The following GNPTAB variants were observed in gnomAD, a reference collection of about 807,000 sequenced individuals.
GNPTAB encodes the protein N-acetylglucosamine-1-phosphotransferase subunits alpha/beta.
GNPTAB carries 92 observed loss-of-function variants against 136.6 expected under a neutral mutation model. The ratio of observed to expected loss-of-function variants is 0.67; its 90% CI spans 0.57 to 0.80. The LOEUF (loss-of-function observed/expected upper bound fraction) is 0.80. Among genes scored for constraint, GNPTAB ranks in the 30% least tolerant of loss-of-function variants. The pLI is 0.00. For synonymous variants in GNPTAB, 512 were observed against 535.1 expected, an observed-to-expected ratio of 0.96 and a Z score of 0.60; for missense variants, 1,343 against 1,501.8, an observed-to-expected ratio of 0.89 and a Z score of 1.75.
At chr12:101,751,146 C>G (rs1952811731) in intron 19 of GNPTAB, among the ~76,000 whole-genome samples, 1 of 152,222 alleles carries the variant, frequency 6.6e-6, no homozygotes, top group Admixed American at 6.5e-5. Context: ...TCAAATACAG[C>G]CTTTCACAAT....
rs12578438 is a variant in GNPTAB, at chr12:101,821,309, C to T, written c.117+9250G>A. Among the ~76,000 whole-genome samples the T allele has an allele frequency of 0.022, 3,412 of 152,294 alleles. 346 individuals carry two copies. The East Asian group carries it at 0.31, about 14-fold the overall frequency. ...ACAGTGCTCAAAAATTAAGTAGTCA[C>T]TGAATGAATGAGGCAGGCACTCTGC... On this transcript the variant is annotated intron_variant, in intron 1 of 20. Transcript: ENST00000299314.
chr12:101,763,174 A>G (rs11835629), intron 13 of GNPTAB, among the ~76,000 whole-genome samples: 2,315 of 151,086 alleles, frequency 0.015, 64 homozygotes, highest in African/African-American at 0.053. Flanking sequence ...GTGAGCCGAG[A>G]TCACGCCATT....
intron 3 of GNPTAB, 116 bp from the exon 4 acceptor site, chr12:101,788,705 C>T: frequency 1.5e-6 from 1 of 689,580 alleles, no homozygotes; most frequent in Non-Finnish European, 2.7e-6. Flanking sequence ...AAACATGGTA[C>T]CAGGCTGTCA....
intron 5 of GNPTAB, among the ~76,000 whole-genome samples, chr12:101,781,679 G>A (rs140844545): frequency 0.015 from 2,336 of 152,052 alleles, 68 homozygotes; most frequent in African/African-American, 0.053. Context: ...GTGAGGCCTG[G>A]TCTCAAAAAC....
chr12:101,814,372 T>C (rs1232457034), intron 1 of GNPTAB, among the ~76,000 whole-genome samples: 1 of 152,078 alleles, frequency 6.6e-6, no homozygotes, highest in East Asian at 1.9e-4. Context: ...TCATATCTAC[T>C]GTATTAAAAT....
At chr12:101,796,804 TA>T in intron 1 of GNPTAB, 42 bp from the exon 2 acceptor site, 1 of 1,214,248 alleles carries the variant, frequency 8.2e-7, no homozygotes, top group Non-Finnish European at 1.2e-6. Flanking sequence ...CATCAAAGAC[TA>T]AGAGTATATA....
chr12:101,787,013 T>C (rs1202009512), intron 4 of GNPTAB, among the ~76,000 whole-genome samples: 1 of 152,230 alleles, frequency 6.6e-6, no homozygotes, highest in Non-Finnish European at 1.5e-5. Context: ...GGAAAGCAAG[T>C]TGGTAATATA....
chr12:101,824,402 CACCATATATATATATAT>C (rs1159121321), intron 1 of GNPTAB, among the ~76,000 whole-genome samples: 6 of 69,656 alleles, frequency 8.6e-5, no homozygotes, highest in African/African-American at 3.6e-4. Context: ...CCAGAAATTT[CACCATATATATATATAT>C]ATATATATAT....
At chr12:101,828,874 A>G (rs575763757) in intron 1 of GNPTAB, among the ~76,000 whole-genome samples, 4 of 152,374 alleles carry the variant, frequency 2.6e-5, no homozygotes, top group Admixed American at 6.5e-5. Context: ...TAACATATGT[A>G]AAGCAATTAA....
chr12:101,827,758 A>G (rs1017797376), intron 1 of GNPTAB, among the ~76,000 whole-genome samples: 3 of 152,178 alleles, frequency 2.0e-5, no homozygotes, highest in Non-Finnish European at 4.4e-5. Flanking sequence ...TAAGGTCCAG[A>G]GTTTGAGACC....
chr12:101,759,180 G>A (rs1328226845), intron 16 of GNPTAB, among the ~76,000 whole-genome samples: 4 of 151,936 alleles, frequency 2.6e-5, no homozygotes, highest in Non-Finnish European at 4.4e-5. Flanking sequence ...TGGCTAACAC[G>A]GTGAAACCCC....
chr12:101,754,289 T>C (rs1025998399), intron 18 of GNPTAB, among the ~76,000 whole-genome samples: 2 of 151,698 alleles, frequency 1.3e-5, no homozygotes, highest in African/African-American at 4.8e-5. Flanking sequence ...ATTAGCCGGG[T>C]GTGGTGGCAT....
intron 1 of GNPTAB, among the ~76,000 whole-genome samples, chr12:101,817,930 A>G (rs1870589641): frequency 6.6e-6 from 1 of 152,196 alleles, no homozygotes; most frequent in Non-Finnish European, 1.5e-5. Flanking sequence ...AACTGTTCTA[A>G]GCACAGATTT....
intron 20 of GNPTAB, among the ~76,000 whole-genome samples, chr12:101,747,663 T>C (rs879371214): frequency 3.5e-5 from 1 of 28,424 alleles, no homozygotes; most frequent in Non-Finnish European, 5.8e-5. Context: ...CCTTCATCTG[T>C]AGGAGGAGGC....
intron 1 of GNPTAB, among the ~76,000 whole-genome samples, chr12:101,821,324 AG>A (rs1210731983): frequency 2.0e-5 from 3 of 152,220 alleles, no homozygotes; most frequent in African/African-American, 7.2e-5. Flanking sequence ...TGAATGAGGC[AG>A]GCACTCTGCC....
In GNPTAB at chr12:101,747,234, G is replaced by A; in HGVS notation, c.3701C>T (p.Ala1234Val). 1 of 1,563,104 alleles carries A rather than the reference G, an allele frequency of 6.4e-7. No homozygotes were observed. Among genetic ancestry groups the A allele is most frequent in the Non-Finnish European group, 8.8e-7 (1 of 1,133,648 alleles). Residue 1234 changes from alanine to valine, a missense_variant, in exon 21 of 21, where the codon GCA becomes GTA. By Grantham distance (64) the Ala-to-Val change is moderately conservative. Coordinates refer to ENST00000299314, the MANE Select transcript of GNPTAB (RefSeq NM_024312.5). ...IFSFFAEQLI[A>V]LKRKIFPRRR... ...TCTGGGAAATATCTTCCGCTTAAGT[G>A]CAATTAACTAAATGATGAAAGACAG... is the stretch of plus-strand genomic sequence containing the variant.
At chr12:101,771,284 G>A (rs370296222) in intron 7 of GNPTAB, 127 bp from the exon 8 acceptor site, 18 of 842,074 alleles carry the variant, frequency 2.1e-5, no homozygotes, top group Middle Eastern at 3.5e-4. Flanking sequence ...TCGCTCTGTC[G>A]CCAGGCTGGA....
intron 5 of GNPTAB, among the ~76,000 whole-genome samples, chr12:101,782,415 A>C (rs970073018): frequency 6.8e-6 from 1 of 147,428 alleles, no homozygotes; most frequent in Non-Finnish European, 1.5e-5. Context: ...AACAGAAGTA[A>C]AGTACGTCGA....
At chr12:101,753,214 T>C (rs997983253) in intron 19 of GNPTAB, among the ~76,000 whole-genome samples, 158 bp downstream of exon 19, 8 of 151,306 alleles carry the variant, frequency 5.3e-5, no homozygotes, top group African/African-American at 1.9e-4. Context: ...GGTTGCGCCA[T>C]TGCACTCCAG....
Sources: allele counts gnomAD v4.1 joint callset (sites outside exome capture counted in the v4.1 genomes callset), GRCh38; gene constraint gnomAD v4.1.1; transcripts MANE v1.5; gene names NCBI Gene and HGNC (gene_info 2026-07-23, HGNC 2026-07-21).